Variants in TMTC1 observed in about 807,000 individuals in gnomAD.
TMTC1 encodes the protein protein O-mannosyl-transferase TMTC1.
In TMTC1, 73 loss-of-function variants were observed where a neutral mutation model predicts 104.8. The ratio of observed to expected loss-of-function variants is 0.70; its 90% CI spans 0.58 to 0.85. TMTC1 has a LOEUF of 0.85. Ranked by LOEUF, TMTC1 falls within the 40% of genes least tolerant of loss-of-function variation. The pLI is 0.00. For missense variants in TMTC1, 1,035 were observed against 1,096.1 expected, an observed-to-expected ratio of 0.94 and a Z score of 0.79; for synonymous variants, 434 against 428.7, an observed-to-expected ratio of 1.01 and a Z score of -0.15.
chr12:29,648,636 G>A (rs372017171), intron 5 of TMTC1, among the ~76,000 whole-genome samples: 15 of 152,214 alleles, frequency 9.9e-5, no homozygotes, highest in Admixed American at 5.9e-4. Context: ...TCCTTCTGGC[G>A]TGGGGTCAAG....
At chr12:29,755,675 T>C (rs1943197583) in intron 4 of TMTC1, 34 bp downstream of exon 4, 2 of 1,593,540 alleles carry the variant, frequency 1.3e-6, no homozygotes, top group Non-Finnish European at 1.7e-6. Flanking sequence ...GCCCATGACA[T>C]GCCATTTGAT....
chr12:29,669,734 TA>T (rs1467313255), intron 5 of TMTC1, among the ~76,000 whole-genome samples: 1 of 152,256 alleles, frequency 6.6e-6, no homozygotes, highest in East Asian at 1.9e-4. Context: ...AAAAACTTGC[TA>T]CTAAGAAGAA....
intron 11 of TMTC1, among the ~76,000 whole-genome samples, chr12:29,527,442 TGG>T: frequency 6.6e-6 from 1 of 152,268 alleles, no homozygotes; most frequent in South Asian, 2.1e-4. Context: ...ACAAGGTATG[TGG>T]GGGGCAGCCA....
chr12:29,689,777 C>G (rs11050377), intron 5 of TMTC1, among the ~76,000 whole-genome samples: 22,241 of 152,106 alleles, frequency 0.15, 1,862 homozygotes, highest in East Asian at 0.34. Context: ...GTTTGTGTAC[C>G]TGTAATTCTT....
At chr12:29,540,729 G>A (rs1482943753) in intron 10 of TMTC1, among the ~76,000 whole-genome samples, 1 of 151,952 alleles carries the variant, frequency 6.6e-6, no homozygotes, top group Non-Finnish European at 1.5e-5. Context: ...CGTGGCTCAC[G>A]CCTGTATGTA....
intron 5 of TMTC1, among the ~76,000 whole-genome samples, chr12:29,644,403 T>C (rs929461759): frequency 6.6e-6 from 1 of 151,524 alleles, no homozygotes; most frequent in African/African-American, 2.4e-5. Context: ...ACTACAAATA[T>C]GGTGCAGTGT....
chr12:29,747,440 A>AAATG (rs1270231200), intron 5 of TMTC1, among the ~76,000 whole-genome samples: 1 of 152,190 alleles, frequency 6.6e-6, no homozygotes, highest in Non-Finnish European at 1.5e-5. Flanking sequence ...CAAACTAAAT[A>AAATG]AATGACCTGC....
intron 5 of TMTC1, among the ~76,000 whole-genome samples, chr12:29,647,300 AT>A (rs1939309842): frequency 6.6e-6 from 1 of 152,190 alleles, no homozygotes; most frequent in East Asian, 1.9e-4. Context: ...GATTACAGGC[AT>A]GAGCCACTAT....
chr12:29,526,800 T>C (rs1944359894), intron 11 of TMTC1, among the ~76,000 whole-genome samples: 1 of 152,158 alleles, frequency 6.6e-6, no homozygotes, highest in Admixed American at 6.5e-5. Flanking sequence ...AAAGTTGTTT[T>C]TTTTCTCCTG....
intron 1 of TMTC1, among the ~76,000 whole-genome samples, chr12:29,772,623 G>C (rs1943620520): frequency 6.6e-6 from 1 of 152,056 alleles, no homozygotes; most frequent in Non-Finnish European, 1.5e-5. Flanking sequence ...TGAGAGGCAG[G>C]CTTCAGCTCA....
At chr12:29,535,126 T>C (rs1944607995) in intron 11 of TMTC1, 1 of 152,280 alleles carries the variant, frequency 6.6e-6, no homozygotes, top group Admixed American at 6.5e-5. Flanking sequence ...GAGGGGCTTA[T>C]GAAAAGGAAG....
chr12:29,593,498 G>A (rs1431982296), intron 7 of TMTC1, among the ~76,000 whole-genome samples: 1 of 152,064 alleles, frequency 6.6e-6, no homozygotes, highest in Non-Finnish European at 1.5e-5. Flanking sequence ...TTCCTTGTGC[G>A]CTATTATTTG....
chr12:29,622,487 C>A (rs905482262), intron 6 of TMTC1, among the ~76,000 whole-genome samples: 1 of 152,104 alleles, frequency 6.6e-6, no homozygotes, highest in Non-Finnish European at 1.5e-5. Context: ...AACAGTCTGA[C>A]ATAAAGTCTA....
At chr12:29,690,110 T>C (rs1457091551) in intron 5 of TMTC1, among the ~76,000 whole-genome samples, 1 of 152,182 alleles carries the variant, frequency 6.6e-6, no homozygotes, top group Non-Finnish European at 1.5e-5. Flanking sequence ...TAATATAATT[T>C]GCAAAAGTAA....
rs1381470705 is a variant in TMTC1, at chr12:29,503,265, A to AT, written c.*3580dup. 2.0e-5 allele frequency: 3 copies of AT among 152,208 alleles called. No individual in the cohort carries two copies. Among genetic ancestry groups the AT allele is most frequent in the African/African-American group, 7.2e-5 (3 of 41,440 alleles). 9.4% of individuals were successfully genotyped at this position (152,208 alleles called of 1,614,324 possible). On this transcript the variant is annotated 3_prime_UTR_variant, in exon 18 of 18. Transcript: ENST00000539277. ...TAAATTAAACAACCCAAAAGGATAT[A>AT]TCTCAGGATTCTCTATAATACAATT...
chr12:29,667,073 A>G (rs948852998), intron 5 of TMTC1, among the ~76,000 whole-genome samples: 38 of 152,200 alleles, frequency 2.5e-4, no homozygotes, highest in African/African-American at 9.2e-4. Flanking sequence ...ACATCAGAAA[A>G]AAAGCAAAAG....
intron 5 of TMTC1, among the ~76,000 whole-genome samples, chr12:29,671,531 A>C (rs11050360): frequency 0.34 from 51,694 of 151,974 alleles, 9,966 homozygotes; most frequent in African/African-American, 0.52. Context: ...TGCGACAGAC[A>C]CTGTTCTAAA....
At position 29,583,393 on chromosome 12, in the gene TMTC1, C is replaced by A; in HGVS notation, c.1418+14G>T. On this transcript the variant is annotated intron_variant, in intron 8 of 17. Coordinates refer to ENST00000539277, the MANE Select transcript of TMTC1 (RefSeq NM_001193451.2). ...TAAACAGGAAGATATTTATTTTTAT[C>A]TGTCTAGTCATACCTGAATAGGGAC... The A allele has an allele frequency of 1.9e-6, 3 of 1,600,082 alleles. No homozygotes were observed. In the South Asian group the frequency reaches 3.4e-5, roughly 18 times the overall value.
At chr12:29,660,457 A>G (rs1311736950) in intron 5 of TMTC1, among the ~76,000 whole-genome samples, 1 of 152,174 alleles carries the variant, frequency 6.6e-6, no homozygotes, top group Non-Finnish European at 1.5e-5. Context: ...TTAAGCCACT[A>G]AAGCTGGGGG....
Sources: allele counts gnomAD v4.1 joint callset (sites outside exome capture counted in the v4.1 genomes callset), GRCh38; gene constraint gnomAD v4.1.1; transcripts MANE v1.5; gene names NCBI Gene and HGNC (gene_info 2026-07-23, HGNC 2026-07-21).